Variants in EDNRA observed in about 807,000 individuals in gnomAD.
EDNRA encodes the protein endothelin-1 receptor.
In EDNRA, 11 loss-of-function variants were observed where a neutral mutation model predicts 41.4. That is an observed-to-expected ratio of 0.27 (90% confidence interval 0.17 to 0.44). EDNRA has a LOEUF of 0.44. Ranked by LOEUF, EDNRA falls within the 20% of genes least tolerant of loss-of-function variation. The pLI is 1.00. For synonymous variants in EDNRA, 172 were observed against 183.0 expected, an observed-to-expected ratio of 0.94 and a Z score of 0.49; for missense variants, 294 against 531.0, an observed-to-expected ratio of 0.55 and a Z score of 4.39.
intron 1 of EDNRA, among the ~76,000 whole-genome samples, chr4:147,483,923 G>C (rs1156414487): frequency 6.6e-6 from 1 of 151,924 alleles, no homozygotes; most frequent in African/African-American, 2.4e-5. Context: ...GTCTCACTAA[G>C]TTGCCCAGGC....
intron 4 of EDNRA, among the ~76,000 whole-genome samples, chr4:147,534,317 T>C (rs1484426848): frequency 6.6e-6 from 1 of 152,224 alleles, no homozygotes. Flanking sequence ...TTTTTTAAGT[T>C]CAGGACTGAA....
Position 147,543,171 on chromosome 4 carries a change from A to C in EDNRA, c.*553A>C, listed in dbSNP as rs1262968767. On this transcript the variant is annotated 3_prime_UTR_variant, in exon 8 of 8. Coordinates refer to ENST00000651419, the MANE Select transcript of EDNRA (RefSeq NM_001957.4). ...TGATTATTTGAACTTATTTACACAT[A>C]GTTTGAAAAAAAAAAGACAAAAATA... 6.6e-6 allele frequency: 1 copy of C among 152,042 alleles called. No individual in the cohort carries two copies. The highest frequency in any genetic ancestry group is 1.5e-5 in the Non-Finnish European group (1 of 67,988). The allele number at this position is 152,042 out of a possible 1,614,324, so 9.4% of individuals were successfully genotyped here.
intron 3 of EDNRA, 143 bp downstream of exon 3, chr4:147,520,121 C>T: frequency 8.5e-7 from 1 of 1,182,700 alleles, no homozygotes; most frequent in Non-Finnish European, 1.2e-6. Context: ...CTTGCCTTTG[C>T]TGTTTAGAAT....
At chr4:147,521,963 A>G (rs1730336173) in intron 3 of EDNRA, among the ~76,000 whole-genome samples, 1 of 152,182 alleles carries the variant, frequency 6.6e-6, no homozygotes, top group East Asian at 1.9e-4. Context: ...CTATAAAGCT[A>G]CAATGTTTTA....
chr4:147,529,625 G>C lies in EDNRA; in HGVS notation c.549-2881G>C, dbSNP rs73853928. On this transcript the variant is annotated intron_variant, in intron 3 of 7. Transcript: ENST00000651419. ...ATTCTTTCTGGAACAGCAGTTGTCA[G>C]TGGTGGAATCTACACTTGCAGATTT... Among the ~76,000 whole-genome samples, 951 of 151,988 alleles carry C rather than the reference G, an allele frequency of 6.3e-3. 14 individuals carry two copies. The highest frequency in any genetic ancestry group is 0.022 in the African/African-American group (904 of 41,424).
chr4:147,537,365 G>C (rs1318231951), intron 5 of EDNRA, among the ~76,000 whole-genome samples: 1 of 152,156 alleles, frequency 6.6e-6, no homozygotes, highest in Non-Finnish European at 1.5e-5. Flanking sequence ...AGAAACCTTA[G>C]TATGACTTTG....
chr4:147,538,354 C>T (rs903967579), intron 5 of EDNRA, among the ~76,000 whole-genome samples: 1 of 152,122 alleles, frequency 6.6e-6, no homozygotes, highest in African/African-American at 2.4e-5. Context: ...TTTCATCTAA[C>T]GGGTCAAAAC....
At chr4:147,510,547 G>A (rs1321897785) in intron 2 of EDNRA, among the ~76,000 whole-genome samples, 1 of 152,076 alleles carries the variant, frequency 6.6e-6, no homozygotes, top group Non-Finnish European at 1.5e-5. Context: ...CAGACCCGTG[G>A]TTGGAAGCTT....
chr4:147,539,766 A>G (rs1731034810), intron 5 of EDNRA, 51 bp from the exon 6 acceptor site: 7 of 1,579,830 alleles, frequency 4.4e-6, no homozygotes, highest in Non-Finnish European at 6.0e-6. Flanking sequence ...TCTTGCATCT[A>G]GTATAAAAAC....
intron 2 of EDNRA, among the ~76,000 whole-genome samples, chr4:147,512,576 G>C (rs372357296): frequency 6.6e-6 from 1 of 152,208 alleles, no homozygotes; most frequent in East Asian, 1.9e-4. Flanking sequence ...TTTATGATTT[G>C]CTATAGATCA....
chr4:147,502,710 A>T (rs1284177699), intron 2 of EDNRA, among the ~76,000 whole-genome samples: 1 of 152,260 alleles, frequency 6.6e-6, no homozygotes, highest in African/African-American at 2.4e-5. Flanking sequence ...CTGTTCAGGC[A>T]GTAGTTGAGG....
At position 147,503,116 on chromosome 4, in the gene EDNRA, A is replaced by C. The variant is rs139073765; in HGVS notation, c.421-16735A>C. 1.3e-3 allele frequency among the ~76,000 whole-genome samples: 199 copies of C among 152,272 alleles called. 2 individuals are homozygous for C. Among genetic ancestry groups the C allele is most frequent in the African/African-American group, 4.4e-3 (184 of 41,546 alleles). On this transcript the variant is annotated intron_variant, in intron 2 of 7. Transcript: ENST00000651419. ...TAAAAAAGAGAAATGTCATTTTAAA[A>C]TTTGGGAGAATTGTAAAACACCATT...
chr4:147,526,155 C>G (rs962420185), intron 3 of EDNRA, among the ~76,000 whole-genome samples: 1 of 152,218 alleles, frequency 6.6e-6, no homozygotes, highest in Admixed American at 6.5e-5. Flanking sequence ...TGTTCACTAT[C>G]GTACTGAGTT....
At chr4:147,540,252 T>C in intron 6 of EDNRA, 125 bp from the exon 7 acceptor site, 1 of 848,754 alleles carries the variant, frequency 1.2e-6, no homozygotes, top group Non-Finnish European at 1.8e-6. Context: ...TTTACAAAAT[T>C]CTAACTGCCA....
At chr4:147,500,707 G>A (rs4835086) in intron 2 of EDNRA, among the ~76,000 whole-genome samples, 57,292 of 150,926 alleles carry the variant, frequency 0.38, 11,614 homozygotes, top group African/African-American at 0.54. Flanking sequence ...AAAAAATGTT[G>A]GGAGGAAAGG....
At chr4:147,491,134 A>G (rs1729123845) in intron 2 of EDNRA, 1 of 152,222 alleles carries the variant, frequency 6.6e-6, no homozygotes, top group Non-Finnish European at 1.5e-5. Context: ...GTCTACCCTA[A>G]GCAACCACCC....
chr4:147,482,234 A>C (rs924707533), intron 1 of EDNRA, among the ~76,000 whole-genome samples: 4 of 152,236 alleles, frequency 2.6e-5, no homozygotes, highest in Admixed American at 6.5e-5. Context: ...TGAATGCTCT[A>C]AACTCATGCC....
At chr4:147,493,002 C>T (rs1729190514) in intron 2 of EDNRA, 1 of 152,086 alleles carries the variant, frequency 6.6e-6, no homozygotes, top group Non-Finnish European at 1.5e-5. Flanking sequence ...CACAGTTATT[C>T]CCGCGTCAGT....
chr4:147,485,872 C>T lies in EDNRA; in HGVS notation c.191C>T (p.Ser64Leu), dbSNP rs1373248197. 1 of 1,614,230 alleles carries T rather than the reference C, an allele frequency of 6.2e-7. No homozygotes were observed. The highest frequency in any genetic ancestry group is 2.2e-5 in the East Asian group (1 of 44,890). The change falls in exon 2 of 8, where the codon TCA becomes TTA. Residue 64 changes from serine (S) to leucine (L), a missense_variant. Ser to Leu is a moderately radical substitution (Grantham distance 145). Coordinates refer to ENST00000651419, the MANE Select transcript of EDNRA (RefSeq NM_001957.4). Reference sequence around the variant, plus strand: ...AATTTGGTCCTACCCAGCAATGGCTCAATGCACAACTATTGCCCACAGCAG... The same window carrying T: ...AATTTGGTCCTACCCAGCAATGGCTTAATGCACAACTATTGCCCACAGCAG... ...PTNLVLPSNG[S>L]MHNYCPQQTK...
Sources: allele counts gnomAD v4.1 joint callset (sites outside exome capture counted in the v4.1 genomes callset), GRCh38; gene constraint gnomAD v4.1.1; transcripts MANE v1.5; gene names NCBI Gene and HGNC (gene_info 2026-07-23, HGNC 2026-07-21).